The following C2CD3 variants were observed in gnomAD, a reference collection of about 807,000 sequenced individuals.
C2CD3 encodes C2 domain-containing protein 3.
A neutral mutation model predicts 234.0 loss-of-function variants in C2CD3; 148 were observed. The ratio of observed to expected loss-of-function variants is 0.63; its 90% CI spans 0.55 to 0.72. The LOEUF is 0.72. Ranked by LOEUF, C2CD3 falls within the 30% of genes least tolerant of loss-of-function variation. The pLI is 0.00. For missense variants in C2CD3, 2,577 were observed against 2,811.5 expected, an observed-to-expected ratio of 0.92 and a Z score of 1.89; for synonymous variants, 1,000 against 1,035.4, an observed-to-expected ratio of 0.97 and a Z score of 0.66.
chr11:74,044,866 G>A (rs769525339), intron 28 of C2CD3, among the ~76,000 whole-genome samples: 16 of 150,802 alleles, frequency 1.1e-4, no homozygotes, highest in South Asian at 6.3e-4. Context: ...CTGCATCCAC[G>A]TTGCTGCAAA....
chr11:74,144,586 G>A (rs1208290919), intron 3 of C2CD3, among the ~76,000 whole-genome samples: 1 of 152,030 alleles, frequency 6.6e-6, no homozygotes, highest in African/African-American at 2.4e-5. Flanking sequence ...TTTTTGTTCT[G>A]AACCTCTCCC....
At chr11:74,121,670 T>A (rs1230626835) in intron 8 of C2CD3, among the ~76,000 whole-genome samples, 3 of 151,360 alleles carry the variant, frequency 2.0e-5, no homozygotes, top group Non-Finnish European at 4.4e-5. Flanking sequence ...TATTTAGTGT[T>A]CTATTAGTTT....
intron 20 of C2CD3, among the ~76,000 whole-genome samples, chr11:74,087,565 G>GA (rs60728445): frequency 9.0e-4 from 124 of 138,042 alleles, no homozygotes; most frequent in African/African-American, 2.1e-3. Context: ...ACTCCATCTC[G>GA]AAAAAAAAAA....
intron 25 of C2CD3, 77 bp from the exon 26 acceptor site, chr11:74,054,748 C>A (rs1953878961): frequency 1.0e-6 from 1 of 991,966 alleles, no homozygotes; most frequent in South Asian, 1.5e-5. Flanking sequence ...TGAAGAATAT[C>A]TTGTAATTTG....
chr11:74,031,249 G>A (rs920409881), intron 31 of C2CD3, among the ~76,000 whole-genome samples: 2 of 152,194 alleles, frequency 1.3e-5, no homozygotes, highest in African/African-American at 4.8e-5. Flanking sequence ...TACAGATGAG[G>A]AAAGTGAAGT....
Position 74,078,121 on chromosome 11 carries a change from C to CA in C2CD3, c.4596dup (p.Val1533CysfsTer34). ...AATCAGGCTCCTCACTTACCACTGA[C>CA]AGTTAGCGTCCTCGCTGACCTCTCC... On this transcript the variant is annotated frameshift_variant, in exon 23 of 33. Transcript: ENST00000334126. LOFTEE classifies it high-confidence loss of function. 6.2e-7 allele frequency: 1 copy of CA among 1,612,552 alleles called. No individual in the cohort carries two copies. Among genetic ancestry groups the CA allele is most frequent in the Non-Finnish European group, 8.5e-7 (1 of 1,179,206 alleles).
chr11:74,150,510 AAAAAACAAAAAAAAAACAAAAC>A (rs1565348116), intron 3 of C2CD3, among the ~76,000 whole-genome samples: 3 of 76,380 alleles, frequency 3.9e-5, no homozygotes, highest in Non-Finnish European at 7.8e-5. Context: ...AAAAAAAAAA[AAAAAACAAAAAAAAAACAAAAC>A]AAATTTCTAA....
rs951153919 is a variant in C2CD3, at chr11:74,034,509, G to A, written c.5882-231C>T. 11 of 1,602,896 alleles carry A rather than the reference G, an allele frequency of 6.9e-6. No homozygotes were observed. In the African/African-American group the frequency reaches 1.1e-4, roughly 16 times the overall value. On this transcript the variant is annotated intron_variant, in intron 30 of 32. Coordinates refer to ENST00000334126, the MANE Select transcript of C2CD3 (RefSeq NM_001286577.2). ...CTAATCTATAGTTGTGGATACATCTGTGGAAATGCTTTCAGAGACTATCTG... is the reference window on the plus strand; with the variant it reads ...CTAATCTATAGTTGTGGATACATCTATGGAAATGCTTTCAGAGACTATCTG...
At chr11:74,066,741 C>G (rs1248782774) in intron 24 of C2CD3, among the ~76,000 whole-genome samples, 1 of 152,032 alleles carries the variant, frequency 6.6e-6, no homozygotes, top group East Asian at 1.9e-4. Context: ...GCTTAAGAGA[C>G]TGCAGAGACA....
At chr11:74,072,583 A>G (rs887947578) in intron 24 of C2CD3, among the ~76,000 whole-genome samples, 1 of 152,234 alleles carries the variant, frequency 6.6e-6, no homozygotes, top group Non-Finnish European at 1.5e-5. Flanking sequence ...CAGATGAGAA[A>G]TTCAAGACAG....
chr11:74,124,471 C>A lies in C2CD3; in HGVS notation c.1218-1336G>T, dbSNP rs955770493. ...TGGGACTGTCCTATGCATTTCAGATCCCTGGCCTCCACTTACCAGATGCCA... is the reference window on the plus strand; with the variant it reads ...TGGGACTGTCCTATGCATTTCAGATACCTGGCCTCCACTTACCAGATGCCA... On this transcript the variant is annotated intron_variant, in intron 7 of 32. Coordinates refer to ENST00000334126, the MANE Select transcript of C2CD3 (RefSeq NM_001286577.2). 2.0e-5 allele frequency among the ~76,000 whole-genome samples: 3 copies of A among 152,148 alleles called. No individual in the cohort carries two copies. The East Asian group carries it at 5.8e-4, about 29-fold the overall frequency.
rs778867866 is a variant in C2CD3, at chr11:74,093,960, C to T, written c.3200G>A (p.Cys1067Tyr). The change falls in exon 18 of 33, where the codon TGT (cysteine) becomes TAT (tyrosine). Residue 1067 changes from cysteine (C) to tyrosine (Y), a missense_variant. Coordinates refer to ENST00000334126, the MANE Select transcript of C2CD3 (RefSeq NM_001286577.2). ...LKPFRTATTL[C>Y]VPDPIFNSEH... Reference sequence around the variant, plus strand: ...ACTATTAAAGATGGGATCTGGAACACAGAGTGTGGTTGCAGTTCTGAAGGG... The same window carrying T: ...ACTATTAAAGATGGGATCTGGAACATAGAGTGTGGTTGCAGTTCTGAAGGG... 1 of 1,613,962 alleles carries T rather than the reference C, an allele frequency of 6.2e-7. No homozygotes were observed. Among genetic ancestry groups the T allele is most frequent in the Non-Finnish European group, 8.5e-7 (1 of 1,179,884 alleles).
In C2CD3 at chr11:74,092,332, G is replaced by T. The variant is rs556950691; in HGVS notation, c.3517+84C>A. ...GGCTTCCCAAAGTGCTGGGATTAGA[G>T]GTGTGAACCACCGCACCCGGCTATT... On this transcript the variant is annotated intron_variant, in intron 19 of 32. Coordinates refer to ENST00000334126, the MANE Select transcript of C2CD3 (RefSeq NM_001286577.2). 8.6e-6 allele frequency: 11 copies of T among 1,274,330 alleles called. No homozygotes were observed. The South Asian group carries it at 9.8e-5, about 11-fold the overall frequency. The allele number at this position is 1,274,330 out of a possible 1,614,324, so 78.9% of individuals were successfully genotyped here.
intron 32 of C2CD3, among the ~76,000 whole-genome samples, chr11:74,021,392 C>T (rs1341106912): frequency 1.3e-5 from 2 of 152,186 alleles, no homozygotes; most frequent in African/African-American, 4.8e-5. Context: ...AAATTTGAGA[C>T]ATCTATTAGA....
intron 8 of C2CD3, 64 bp downstream of exon 8, chr11:74,122,924 C>T: frequency 4.0e-6 from 3 of 743,762 alleles, no homozygotes; most frequent in South Asian, 4.0e-5. Flanking sequence ...GTCATGCCTG[C>T]AGCTACTAAT....
At chr11:74,087,954 T>C (rs1955714448) in intron 20 of C2CD3, among the ~76,000 whole-genome samples, 4 of 152,052 alleles carry the variant, frequency 2.6e-5, no homozygotes, top group South Asian at 2.1e-4. Context: ...GCACCAACAA[T>C]GTATTTTCAG....
At chr11:74,040,750 C>A (rs960136371) in intron 29 of C2CD3, among the ~76,000 whole-genome samples, 1 of 151,924 alleles carries the variant, frequency 6.6e-6, no homozygotes, top group Non-Finnish European at 1.5e-5. Context: ...TGCGAGACCC[C>A]ATCTCAAGAA....
At chr11:74,098,722 T>C (rs1401123048) in intron 15 of C2CD3, among the ~76,000 whole-genome samples, 2 of 152,204 alleles carry the variant, frequency 1.3e-5, no homozygotes, top group Non-Finnish European at 1.5e-5. Flanking sequence ...AAGGTTGGTA[T>C]TATCCACTAT....
intron 26 of C2CD3, among the ~76,000 whole-genome samples, 199 bp downstream of exon 26, chr11:74,054,406 ATT>A: frequency 6.7e-6 from 1 of 149,354 alleles, no homozygotes; most frequent in Admixed American, 6.7e-5. Context: ...AAAAAAAAAA[ATT>A]TTTTTTTTCT....
Sources: gnomAD v4.1 joint callset for allele counts (sites outside exome capture counted in the v4.1 genomes callset) on GRCh38, gnomAD v4.1.1 for gene constraint, MANE v1.5 for transcripts, NCBI Gene and HGNC (gene_info 2026-07-23, HGNC 2026-07-21) for gene names.